The following CSPG4 variants were observed in gnomAD, a reference collection of about 807,000 sequenced individuals.
The protein encoded by CSPG4 is chondroitin sulfate proteoglycan 4.
Under a neutral mutation model 139.3 loss-of-function variants are expected in CSPG4, and 74 were observed. The ratio of observed to expected loss-of-function variants is 0.53; its 90% CI spans 0.44 to 0.64. CSPG4 has a LOEUF of 0.64. Ranked by LOEUF, CSPG4 falls within the 30% of genes least tolerant of loss-of-function variation. The pLI is 0.00. For missense variants in CSPG4, 2,565 were observed against 3,148.3 expected, an observed-to-expected ratio of 0.81 and a Z score of 4.43; for synonymous variants, 1,234 against 1,394.2, an observed-to-expected ratio of 0.89 and a Z score of 2.56.
In CSPG4 at chr15:75,675,913, TGCCATGGGGCCTGGCTC is replaced by T. The variant is rs1338006300; in HGVS notation, c.6589_6605del (p.Glu2197IlefsTer4). ...TGGCCACAGCGGGCTCAGGGCTGGA[TGCCATGGGGCCTGGCTC>T]GCCTGTGGGGGTGCTGCTCTCTGGC... On this transcript the variant is annotated frameshift_variant, in exon 10 of 10. Coordinates refer to ENST00000308508, the MANE Select transcript of CSPG4 (RefSeq NM_001897.5). LOFTEE classifies it high-confidence loss of function. 1 of 1,601,918 alleles carries T rather than the reference TGCCATGGGGCCTGGCTC, an allele frequency of 6.2e-7. No homozygotes were observed. The highest frequency in any genetic ancestry group is 1.3e-5 in the African/African-American group (1 of 74,924).
intron 5 of CSPG4, 111 bp from the exon 6 acceptor site, chr15:75,683,152 G>A: frequency 9.2e-7 from 1 of 1,087,062 alleles, no homozygotes; most frequent in Non-Finnish European, 1.3e-6. Flanking sequence ...AGCCCCTCGG[G>A]TGGCATCGAG....
intron 8 of CSPG4, among the ~76,000 whole-genome samples, chr15:75,681,619 G>A (rs1893974666): frequency 6.6e-6 from 1 of 152,216 alleles, no homozygotes; most frequent in Non-Finnish European, 1.5e-5. Context: ...CCCTGCTATG[G>A]AACAACTCCT....
intron 7 of CSPG4, 66 bp downstream of exon 7, chr15:75,682,541 G>C: frequency 6.3e-7 from 1 of 1,596,674 alleles, no homozygotes; most frequent in Non-Finnish European, 8.5e-7. Context: ...GCGTGACCCT[G>C]GCATGCCACC....
intron 1 of CSPG4, among the ~76,000 whole-genome samples, chr15:75,704,282 G>T (rs558350820): frequency 1.3e-5 from 2 of 152,124 alleles, no homozygotes; most frequent in South Asian, 4.2e-4. Flanking sequence ...TCTCCCCAAG[G>T]CCACATAGCA....
In CSPG4 at chr15:75,689,065, C is replaced by T. The variant is rs144233988; in HGVS notation, c.2000G>A (p.Arg667His). Reference sequence around the variant, plus strand: ...TTGGGCCAGTCGCAACCCTGTGCTGCGGTGGATCTGTATGGCCGGCCGGAT... The same window carrying T: ...TTGGGCCAGTCGCAACCCTGTGCTGTGGTGGATCTGTATGGCCGGCCGGAT... Reference protein sequence around the residue: ...VAIRPAIQIHRSTGLRLAQGS... With the variant: ...VAIRPAIQIHHSTGLRLAQGS... The change falls in exon 3 of 10, where the codon CGC becomes CAC. Residue 667 changes from arginine (R) to histidine (H), a missense_variant. Transcript: ENST00000308508. The T allele has an allele frequency of 6.8e-6, 11 of 1,609,734 alleles. No individual in the cohort carries two copies. The highest frequency in any genetic ancestry group is 6.7e-5 in the East Asian group (3 of 44,834).
rs1189910002 is a variant in CSPG4, at chr15:75,693,200, G to A, written c.122C>T (p.Pro41Leu). 1.2e-6 allele frequency: 2 copies of A among 1,610,478 alleles called. No individual in the cohort carries two copies. The highest frequency in any genetic ancestry group is 1.7e-6 in the Non-Finnish European group (2 of 1,179,354). The change falls in exon 2 of 10, where the codon CCT (proline) becomes CTT (leucine). Residue 41 changes from proline (P) to leucine (L), a missense_variant. By Grantham distance (98) the Pro-to-Leu change is moderately conservative. Transcript: ENST00000308508. ...SFFGENHLEV[P>L]VATALTDIDL... ...TATGTCGGTCAGAGCCGTGGCCACA[G>A]GCACCTCCAGGTGGTTCTCACCGAA... is the stretch of plus-strand genomic sequence containing the variant.
intron 8 of CSPG4, chr15:75,679,090 CT>C (rs1893935238): frequency 4.3e-6 from 1 of 234,090 alleles, no homozygotes; most frequent in African/African-American, 2.3e-5. Context: ...CAAATGCCAG[CT>C]GTGCTGAGAC....
At position 75,674,856 on chromosome 15, in the gene CSPG4, C is replaced by T. The variant is rs1893866968; in HGVS notation, c.*694G>A. ...CAGACCCTCCTCCATCCCACACCCC[C>T]AGGGGCTCCATCAGTCCTGGCTAGC... is the stretch of plus-strand genomic sequence containing the variant. On this transcript the variant is annotated 3_prime_UTR_variant, in exon 10 of 10. Coordinates refer to ENST00000308508, the MANE Select transcript of CSPG4 (RefSeq NM_001897.5). 1 of 398,616 alleles carries T rather than the reference C, an allele frequency of 2.5e-6. No individual in the cohort carries two copies. The highest frequency in any genetic ancestry group is 1.3e-4 in the South Asian group (1 of 7,862). The allele number at this position is 398,616 out of a possible 1,614,324, so 24.7% of individuals were successfully genotyped here.
Position 75,688,647 on chromosome 15 carries a change from G to A in CSPG4, c.2418C>T (p.His806=), listed in dbSNP as rs1414098177. Residue 806 remains histidine (H), a synonymous_variant, in exon 3 of 10, where the codon CAC becomes CAT. Transcript: ENST00000308508. ...CTGCCTCCTCCAGGGTGGCCTCCAGGTGGGCTGTGGTGAGGGTCTCCTGCT... is the reference window on the plus strand; with the variant it reads ...CTGCCTCCTCCAGGGTGGCCTCCAGATGGGCTGTGGTGAGGGTCTCCTGCT... ...NTQQETLTTA[H]LEATLEEAGP... is the part of the protein sequence containing the mutation. 4 of 1,612,328 alleles carry A rather than the reference G, an allele frequency of 2.5e-6. No individual in the cohort carries two copies. In the African/African-American group the frequency reaches 5.3e-5, roughly 22 times the overall value.
intron 8 of CSPG4, chr15:75,678,518 A>ATT: frequency 5.3e-6 from 2 of 379,884 alleles, no homozygotes; most frequent in African/African-American, 2.1e-5. Context: ...ACACCCAGCT[A>ATT]TTTTTTTTTA....
chr15:75,678,363 ATTATT>A (rs1893923147), intron 8 of CSPG4: 1 of 186,398 alleles, frequency 5.4e-6, no homozygotes, highest in Non-Finnish European at 1.1e-5. Flanking sequence ...TATTATTATT[ATTATT>A]TTGAGACAGG....
chr15:75,680,616 G>A (rs543295873), intron 8 of CSPG4: 1 of 153,232 alleles, frequency 6.5e-6, no homozygotes, highest in Non-Finnish European at 1.5e-5. Context: ...GAGCTCTGTG[G>A]GTGGGAGTGA....
intron 8 of CSPG4, among the ~76,000 whole-genome samples, chr15:75,681,584 C>T (rs926473567): frequency 2.0e-4 from 31 of 152,350 alleles, no homozygotes; most frequent in African/African-American, 6.7e-4. Context: ...CTGGGATGGC[C>T]CATGGAAGAG....
At position 75,674,452 on chromosome 15, in the gene CSPG4, G is replaced by T; in HGVS notation, c.*1098C>A. 1 of 354,040 alleles carries T rather than the reference G, an allele frequency of 2.8e-6. No homozygotes were observed. 21.9% of individuals were successfully genotyped at this position (354,040 alleles called of 1,614,324 possible). A position where few individuals can be genotyped will look rare whatever the true frequency, so the allele number is the denominator to read the frequency against. ...TGGCCCACCTGCCCACACAGGTGGG[G>T]GCACAGGAGGTCTGGGAGGCCCCAG... On this transcript the variant is annotated 3_prime_UTR_variant, in exon 10 of 10. Coordinates refer to ENST00000308508, the MANE Select transcript of CSPG4 (RefSeq NM_001897.5).
At position 75,682,334 on chromosome 15, in the gene CSPG4, C is replaced by T; in HGVS notation, c.4909G>A (p.Asp1637Asn). The T allele has an allele frequency of 6.3e-7, 1 of 1,596,738 alleles. No individual in the cohort carries two copies. Among genetic ancestry groups the T allele is most frequent in the Non-Finnish European group, 8.5e-7 (1 of 1,179,938 alleles). Residue 1637 changes from aspartate to asparagine, a missense_variant, in exon 8 of 10, where the codon GAC (aspartate) becomes AAC (asparagine). Transcript: ENST00000308508. ...QLGRLFHAQQ[D>N]STGEALVNFT... Reference sequence around the variant, plus strand: ...TTCACCAGGGCCTCCCCTGTGCTGTCCTGCTGGGCGTGGAACAGCCGGCCT... The same window carrying T: ...TTCACCAGGGCCTCCCCTGTGCTGTTCTGCTGGGCGTGGAACAGCCGGCCT...
Position 75,687,225 on chromosome 15 carries a change from G to C in CSPG4, c.3789+51C>G. On this transcript the variant is annotated intron_variant, in intron 3 of 9. Coordinates refer to ENST00000308508, the MANE Select transcript of CSPG4 (RefSeq NM_001897.5). The surrounding 1 kb of genome is among the most constrained non-coding windows in gnomAD (Gnocchi z 5.4). ...TGTGTTCCTGGCATGGAGGCTGGGA[G>C]AAGGCCCTCTACCTGGCCCACACCC... 7 of 1,598,500 alleles carry C rather than the reference G, an allele frequency of 4.4e-6. No individual in the cohort carries two copies. Among genetic ancestry groups the C allele is most frequent in the Non-Finnish European group, 6.0e-6 (7 of 1,174,670 alleles).
chr15:75,691,370 G>A (rs1170480730), intron 2 of CSPG4, among the ~76,000 whole-genome samples: 1 of 152,200 alleles, frequency 6.6e-6, no homozygotes, highest in African/African-American at 2.4e-5. Flanking sequence ...ATCAGATGTG[G>A]TCCTCGCCCA....
At chr15:75,683,771 C>G (rs1221788535) in intron 5 of CSPG4, among the ~76,000 whole-genome samples, 1 of 152,234 alleles carries the variant, frequency 6.6e-6, no homozygotes, top group African/African-American at 2.4e-5. Flanking sequence ...AAAACAGAGC[C>G]TTCTGGCATT....
chr15:75,676,002 C>A lies in CSPG4; in HGVS notation c.6517G>T (p.Val2173Leu), dbSNP rs548221922. 2 of 1,570,616 alleles carry A rather than the reference C, an allele frequency of 1.3e-6. No homozygotes were observed. Among genetic ancestry groups the A allele is most frequent in the Non-Finnish European group, 1.7e-6 (2 of 1,163,176 alleles). Residue 2173 changes from valine (V) to leucine (L), a missense_variant, in exon 10 of 10, where the codon GTG (valine) becomes TTG (leucine). Coordinates refer to ENST00000308508, the MANE Select transcript of CSPG4 (RefSeq NM_001897.5). ...GCCTCGGGGACACTGAGCAGGGCCACGCTGTAGGGCCGGGCAGCATTGTAA... is the reference window on the plus strand; with the variant it reads ...GCCTCGGGGACACTGAGCAGGGCCAAGCTGTAGGGCCGGGCAGCATTGTAA... ...EPYNAARPYSVALLSVPEAAR... is the reference protein window; with the variant it reads ...EPYNAARPYSLALLSVPEAAR...
Sources: gnomAD v4.1 joint callset for allele counts (sites outside exome capture counted in the v4.1 genomes callset) on GRCh38, gnomAD v4.1.1 for gene constraint, Gnocchi (gnomAD v3.1) non-coding constraint, MANE v1.5 for transcripts, NCBI Gene and HGNC (gene_info 2026-07-23, HGNC 2026-07-21) for gene names.